Variants in TEX2 observed in about 807,000 individuals in gnomAD.
The protein encoded by TEX2 is testis expressed 2.
Under a neutral mutation model 106.9 loss-of-function variants are expected in TEX2, and 53 were observed. That is an observed-to-expected ratio of 0.50 (90% CI 0.40 to 0.62). The LOEUF (loss-of-function observed/expected upper bound fraction) is 0.62. Ranked by LOEUF, TEX2 falls within the 20% of genes least tolerant of loss-of-function variation. TEX2 has a pLI of 0.00. For missense variants in TEX2, 1,207 were observed against 1,379.0 expected (o/e 0.88, Z 1.98); for synonymous variants, 523 against 534.8 (o/e 0.98, Z 0.30).
At chr17:64,202,897 C>T (rs553076081) in intron 2 of TEX2, among the ~76,000 whole-genome samples, 1 of 152,320 alleles carries the variant, frequency 6.6e-6, no homozygotes, top group South Asian at 2.1e-4. Flanking sequence ...AGCCAGGCTG[C>T]AGCTGTCTGG....
intron 5 of TEX2, among the ~76,000 whole-genome samples, chr17:64,186,314 G>C (rs559733493): frequency 4.6e-5 from 7 of 152,220 alleles, no homozygotes; most frequent in Admixed American, 1.3e-4. Flanking sequence ...CCCCACTCTT[G>C]CCTAGAGGGA....
chr17:64,171,160 C>G lies in TEX2; in HGVS notation c.2611G>C (p.Asp871His). ...ATTTTTGGCACAGCCACGCCCATGT[C>G]AAGTTCCGTCAGAGTGAGCTCATTC... Reference protein sequence around the residue: ...FMNELTLTELDMGVAVPKILQ... With the variant: ...FMNELTLTELHMGVAVPKILQ... The change falls in exon 7 of 12, where the codon GAC becomes CAC. Residue 871 changes from aspartate to histidine, a missense_variant. Coordinates refer to ENST00000584379, the MANE Select transcript of TEX2 (RefSeq NM_001288732.2). 2.5e-6 allele frequency: 4 copies of G among 1,614,072 alleles called. No homozygotes were observed. Among genetic ancestry groups the G allele is most frequent in the Non-Finnish European group, 3.4e-6 (4 of 1,179,984 alleles).
chr17:64,255,427 T>C (rs1442018999), intron 1 of TEX2, among the ~76,000 whole-genome samples: 2 of 152,206 alleles, frequency 1.3e-5, no homozygotes, highest in African/African-American at 4.8e-5. Context: ...GACACATTTA[T>C]ACTGTGACAG....
chr17:64,199,339 C>T (rs1293959869), intron 2 of TEX2, among the ~76,000 whole-genome samples: 3 of 152,104 alleles, frequency 2.0e-5, no homozygotes, highest in African/African-American at 7.2e-5. Context: ...TGGGTTCAAG[C>T]AATTCTCCTG....
chr17:64,174,080 C>T lies in TEX2; in HGVS notation c.2572-2881G>A, dbSNP rs560992708. Among the ~76,000 whole-genome samples, 41 of 152,178 alleles carry T rather than the reference C, an allele frequency of 2.7e-4. 1 individual carries two copies. The highest frequency in any genetic ancestry group is 9.9e-4 in the African/African-American group (41 of 41,522). ...TAGTCTGGTCTCAAACTACTGGGCT[C>T]AAGATTTCCTCCACTTCGGCCTCCC... is the stretch of plus-strand genomic sequence containing the variant. On this transcript the variant is annotated intron_variant, in intron 6 of 11. Transcript: ENST00000584379.
At position 64,206,202 on chromosome 17, in the gene TEX2, C is replaced by T. The variant is rs1268925609; in HGVS notation, c.1644+6372G>A. 2.6e-5 allele frequency among the ~76,000 whole-genome samples: 4 copies of T among 152,304 alleles called. No individual in the cohort carries two copies. The South Asian group carries it at 6.2e-4, about 24-fold the overall frequency. ...AGGTCCCCAGCTTAGGGCATCTAGA[C>T]AGTCACCCAACATAAGAACTCCTGA... On this transcript the variant is annotated intron_variant, in intron 2 of 11. Coordinates refer to ENST00000584379, the MANE Select transcript of TEX2 (RefSeq NM_001288732.2).
At chr17:64,221,160 T>C (rs1423562913) in intron 1 of TEX2, among the ~76,000 whole-genome samples, 4 of 151,974 alleles carry the variant, frequency 2.6e-5, no homozygotes, top group South Asian at 2.1e-4. Context: ...ATGAGAACAC[T>C]TGGACACAGA....
intron 2 of TEX2, among the ~76,000 whole-genome samples, chr17:64,198,993 T>G (rs1428382994): frequency 6.6e-6 from 1 of 152,152 alleles, no homozygotes; most frequent in Non-Finnish European, 1.5e-5. Flanking sequence ...AAAAGGACAG[T>G]CTCTGAGAAA....
rs369154070 is a variant in TEX2, at chr17:64,213,723, G to A, written c.495C>T (p.Ser165=). The part of the protein sequence containing the change: ...EQKTSSSSPL[S]SPSKSPILSS... Reference sequence around the variant, plus strand: ...AGAGGATGGGAGACTTAGAAGGAGAGGACAATGGGGAGGAAGAACTGGTTT... The same window carrying A: ...AGAGGATGGGAGACTTAGAAGGAGAAGACAATGGGGAGGAAGAACTGGTTT... The change falls in exon 2 of 12, where the codon TCC becomes TCT. Residue 165 remains serine, a synonymous_variant. Coordinates refer to ENST00000584379, the MANE Select transcript of TEX2 (RefSeq NM_001288732.2). The surrounding 1 kb of genome is among the most constrained non-coding windows in gnomAD (Gnocchi z 4.4). 1 of 1,614,164 alleles carries A rather than the reference G, an allele frequency of 6.2e-7. No individual in the cohort carries two copies. Among genetic ancestry groups the A allele is most frequent in the Admixed American group, 1.7e-5 (1 of 60,010 alleles).
chr17:64,181,659 C>T (rs1164393789), intron 5 of TEX2, among the ~76,000 whole-genome samples: 2 of 151,686 alleles, frequency 1.3e-5, no homozygotes, highest in African/African-American at 4.8e-5. Context: ...GTATTACAGG[C>T]ATTCACCACC....
At chr17:64,227,316 A>G (rs537524481) in intron 1 of TEX2, among the ~76,000 whole-genome samples, 3 of 152,186 alleles carry the variant, frequency 2.0e-5, no homozygotes, top group Admixed American at 2.0e-4. Context: ...TCCTAAACAG[A>G]TGGTACTCAT....
At chr17:64,241,039 C>A (rs1390522722) in intron 1 of TEX2, among the ~76,000 whole-genome samples, 3 of 152,238 alleles carry the variant, frequency 2.0e-5, no homozygotes, top group African/African-American at 4.8e-5. Flanking sequence ...AGGCCAACAG[C>A]CGCAATCCTT....
intron 4 of TEX2, among the ~76,000 whole-genome samples, chr17:64,192,594 G>C (rs1567931037): frequency 6.6e-6 from 1 of 152,200 alleles, no homozygotes; most frequent in Non-Finnish European, 1.5e-5. Context: ...AGCAGCCCTA[G>C]GAAATAAATA....
intron 2 of TEX2, among the ~76,000 whole-genome samples, chr17:64,203,876 C>T (rs2032748369): frequency 6.6e-6 from 1 of 152,224 alleles, no homozygotes; most frequent in Non-Finnish European, 1.5e-5. Flanking sequence ...GGGCTAAAGC[C>T]ACAGCTTTAT....
chr17:64,228,607 C>T (rs374538697), intron 1 of TEX2, among the ~76,000 whole-genome samples: 2 of 152,204 alleles, frequency 1.3e-5, no homozygotes, highest in South Asian at 2.1e-4. Context: ...GGCAGTCATG[C>T]GAGGGATGGA....
intron 8 of TEX2, among the ~76,000 whole-genome samples, chr17:64,158,144 G>A (rs1456449589): frequency 6.6e-6 from 1 of 152,246 alleles, no homozygotes; most frequent in African/African-American, 2.4e-5. Flanking sequence ...AAATACAGCA[G>A]ACACATATTT....
intron 1 of TEX2, among the ~76,000 whole-genome samples, chr17:64,214,916 C>T (rs1555632439): frequency 2.0e-5 from 3 of 152,194 alleles, no homozygotes; most frequent in Non-Finnish European, 4.4e-5. Flanking sequence ...GACATGGCCA[C>T]GTTCTGAGGC....
At chr17:64,208,304 T>C (rs1460949620) in intron 2 of TEX2, among the ~76,000 whole-genome samples, 7 of 152,028 alleles carry the variant, frequency 4.6e-5, no homozygotes, top group African/African-American at 1.7e-4. Flanking sequence ...GGTGGCATGA[T>C]CACGGCTCAG....
In TEX2 at chr17:64,222,122, C is replaced by T. The variant is rs114622975; in HGVS notation, c.-25-7880G>A. 2.7e-3 allele frequency among the ~76,000 whole-genome samples: 413 copies of T among 151,986 alleles called. 2 individuals carry two copies. Among genetic ancestry groups the T allele is most frequent in the African/African-American group, 9.4e-3 (391 of 41,408 alleles). ...ACAATGTGAATATACTTAATACTAC[C>T]GAACTTAAAAATGGTTAAGATGGTA... On this transcript the variant is annotated intron_variant, in intron 1 of 11. Coordinates refer to ENST00000584379, the MANE Select transcript of TEX2 (RefSeq NM_001288732.2).
Sources: gnomAD v4.1 joint callset for allele counts (sites outside exome capture counted in the v4.1 genomes callset) on GRCh38, gnomAD v4.1.1 for gene constraint, Gnocchi (gnomAD v3.1) non-coding constraint, MANE v1.5 for transcripts, NCBI Gene and HGNC (gene_info 2026-07-23, HGNC 2026-07-21) for gene names.